The following RELN variants were observed in gnomAD, a reference collection of about 807,000 sequenced individuals.
RELN encodes the protein reelin.
A neutral mutation model predicts 427.6 loss-of-function variants in RELN; 108 were observed. The ratio of observed to expected loss-of-function variants is 0.25; its 90% CI spans 0.22 to 0.30. The LOEUF (loss-of-function observed/expected upper bound fraction) is 0.30. Among genes scored for constraint, RELN ranks in the 10% least tolerant of loss-of-function variants. RELN has a pLI of 1.00. For missense variants in RELN, 3,715 were observed against 4,302.8 expected (o/e 0.86, Z 3.82); for synonymous variants, 1,524 against 1,513.4 (o/e 1.01, Z -0.16).
rs111348138 is a variant in RELN at position 103,802,276 on chromosome 7, A to G, written c.474-25649T>C. Reference sequence around the variant, plus strand: ...GGAAAAAGAAAAATGATCAAGTGCTAAAGTTTATCATTTTCAATGCCAAAG... The same window carrying G: ...GGAAAAAGAAAAATGATCAAGTGCTGAAGTTTATCATTTTCAATGCCAAAG... On this transcript the variant is annotated intron_variant, in intron 3 of 64. Transcript: ENST00000428762. Among the ~76,000 whole-genome samples the G allele has an allele frequency of 6.0e-4, 91 of 152,296 alleles. 1 individual carries two copies. The highest frequency in any genetic ancestry group is 2.1e-3 in the African/African-American group (88 of 41,580).
At chr7:103,930,909 T>TGTG (rs1554443953) in intron 1 of RELN, among the ~76,000 whole-genome samples, 2 of 151,314 alleles carry the variant, frequency 1.3e-5, no homozygotes, top group African/African-American at 4.9e-5. Context: ...TGTGTGTGTG[T>TGTG]GTCTCCTTCT....
intron 6 of RELN, among the ~76,000 whole-genome samples, chr7:103,731,294 A>T (rs1790347349): frequency 6.6e-6 from 1 of 152,120 alleles, no homozygotes; most frequent in Non-Finnish European, 1.5e-5. Context: ...AGAAATTATG[A>T]CACACAGCTG....
At chr7:103,705,884 G>C (rs918593899) in intron 8 of RELN, among the ~76,000 whole-genome samples, 4 of 152,152 alleles carry the variant, frequency 2.6e-5, no homozygotes, top group Non-Finnish European at 5.9e-5. Flanking sequence ...AAAGTACCTA[G>C]ACAACAGTTA....
chr7:103,729,037 G>A (rs1223235859), intron 6 of RELN, among the ~76,000 whole-genome samples: 1 of 152,066 alleles, frequency 6.6e-6, no homozygotes, highest in Non-Finnish European at 1.5e-5. Context: ...TGTGTATTCT[G>A]GACTTGACCT....
intron 28 of RELN, among the ~76,000 whole-genome samples, chr7:103,585,772 T>C (rs369349278): frequency 8.5e-5 from 13 of 152,064 alleles, no homozygotes; most frequent in African/African-American, 3.1e-4. Context: ...GAAAACAGGC[T>C]AGTATCCCTG....
At chr7:103,702,009 C>A (rs759304315) in intron 8 of RELN, among the ~76,000 whole-genome samples, 23 of 152,098 alleles carry the variant, frequency 1.5e-4, no homozygotes, top group Non-Finnish European at 2.8e-4. Flanking sequence ...TTTGTAATTG[C>A]CAGAACTGGC....
chr7:103,917,727 C>T (rs1795518275), intron 1 of RELN, among the ~76,000 whole-genome samples: 1 of 151,936 alleles, frequency 6.6e-6, no homozygotes, highest in Non-Finnish European at 1.5e-5. Flanking sequence ...TTTTTCCTCT[C>T]GTGAAGAAGA....
chr7:103,491,402 G>A (rs145730637), intron 58 of RELN, among the ~76,000 whole-genome samples: 15 of 152,140 alleles, frequency 9.9e-5, no homozygotes, highest in African/African-American at 1.9e-4. Context: ...AAAATATAAA[G>A]TTTCTTGGTG....
In RELN at chr7:103,594,390, G is replaced by T; in HGVS notation, c.3642C>A (p.Val1214=). The change falls in exon 26 of 65, where the codon GTC becomes GTA. Residue 1214 remains valine, a synonymous_variant. Coordinates refer to ENST00000428762, the MANE Select transcript of RELN (RefSeq NM_005045.4). ...TCTCGGACAGAATGATGATGTCATC[G>T]ACTGCCCACTGGTCATAGTCCTCCC... ...FSGEDYDQWA[V]DDIIILSEKQ... The T allele has an allele frequency of 6.2e-7, 1 of 1,613,936 alleles. No individual in the cohort carries two copies. The highest frequency in any genetic ancestry group is 8.5e-7 in the Non-Finnish European group (1 of 1,179,904).
At position 103,603,597 on chromosome 7, in the gene RELN, A is replaced by T; in HGVS notation, c.3147-107T>A. On this transcript the variant is annotated intron_variant, in intron 23 of 64. Transcript: ENST00000428762. The surrounding 1 kb of genome is among the most constrained non-coding windows in gnomAD (Gnocchi z 4.3). ...GTCTTACTTTTGCTCAGGTCTTATC[A>T]TTCACACTAGATTCTTCCCTACAGT... 1.2e-6 allele frequency: 1 copy of T among 852,480 alleles called. No individual in the cohort carries two copies. Among genetic ancestry groups the T allele is most frequent in the Non-Finnish European group, 2.0e-6 (1 of 502,516 alleles). 52.8% of individuals were successfully genotyped at this position (852,480 alleles called of 1,614,324 possible).
chr7:103,878,181 T>C (rs932535124), intron 2 of RELN, among the ~76,000 whole-genome samples: 1 of 151,892 alleles, frequency 6.6e-6, no homozygotes, highest in African/African-American at 2.4e-5. Context: ...AAAACACCAC[T>C]CTCTTACCTG....
At chr7:103,509,747 A>G (rs1829337137) in intron 51 of RELN, among the ~76,000 whole-genome samples, 1 of 152,150 alleles carries the variant, frequency 6.6e-6, no homozygotes, top group Non-Finnish European at 1.5e-5. Context: ...CAATCTATCC[A>G]TCTGACAAAG....
rs1180846511 is a variant in RELN, at chr7:103,953,894, T to C, written c.226+35237A>G. Among the ~76,000 whole-genome samples the C allele has an allele frequency of 6.6e-6, 1 of 152,002 alleles. No individual in the cohort carries two copies. The highest frequency in any genetic ancestry group is 1.5e-5 in the Non-Finnish European group (1 of 68,004). ...CTGCAATGAGTCAAGACCGTGCCAC[T>C]ACATGCCAGGCTGTGCGGCAGAGCA... On this transcript the variant is annotated intron_variant, in intron 1 of 64. Coordinates refer to ENST00000428762, the MANE Select transcript of RELN (RefSeq NM_005045.4). This position sits in a 1 kb window ranked among gnomAD's most constrained non-coding sequence, Gnocchi z 4.3.
In RELN at chr7:103,802,508, A is replaced by AGATCTACTCTAGACGT. The variant is rs1332376760; in HGVS notation, c.474-25882_474-25881insACGTCTAGAGTAGATC. ...TATATATTAGATTTACTCGTAGACC[A>AGATCTACTCTAGACGT]AGATTCACCAGAATTTAAATTAATT... is the stretch of plus-strand genomic sequence containing the variant. On this transcript the variant is annotated intron_variant, in intron 3 of 64. Coordinates refer to ENST00000428762, the MANE Select transcript of RELN (RefSeq NM_005045.4). Among the ~76,000 whole-genome samples the AGATCTACTCTAGACGT allele has an allele frequency of 2.0e-5, 3 of 152,306 alleles. No homozygotes were observed. In the East Asian group the frequency reaches 5.8e-4, roughly 29 times the overall value.
At chr7:103,554,249 CAT>C (rs1416536791) in intron 38 of RELN, among the ~76,000 whole-genome samples, 1 of 148,264 alleles carries the variant, frequency 6.7e-6, no homozygotes, top group Non-Finnish European at 1.5e-5. Flanking sequence ...AAAAAAAAAA[CAT>C]AAAGTACTTG....
At chr7:103,851,587 C>G (rs755804815) in intron 2 of RELN, among the ~76,000 whole-genome samples, 1 of 152,196 alleles carries the variant, frequency 6.6e-6, no homozygotes, top group Non-Finnish European at 1.5e-5. Flanking sequence ...TTTGCTACAG[C>G]TTCTTCCTGT....
intron 28 of RELN, among the ~76,000 whole-genome samples, chr7:103,576,953 C>CAT (rs36016808): frequency 2.0e-5 from 3 of 152,122 alleles, no homozygotes; most frequent in African/African-American, 7.2e-5. Context: ...CGTGCACACA[C>CAT]GCACACACAC....
intron 1 of RELN, among the ~76,000 whole-genome samples, chr7:103,963,251 A>T (rs1364061635): frequency 1.3e-5 from 2 of 151,908 alleles, no homozygotes; most frequent in Admixed American, 1.3e-4. Flanking sequence ...CAATCATAAG[A>T]CAAACCTTAA....
At chr7:103,845,151 T>A (rs1793644199) in intron 2 of RELN, among the ~76,000 whole-genome samples, 1 of 152,144 alleles carries the variant, frequency 6.6e-6, no homozygotes, top group Non-Finnish European at 1.5e-5. Context: ...AAAAAATTTT[T>A]TTTTTTTTGC....
Sources: allele counts gnomAD v4.1 joint callset (sites outside exome capture counted in the v4.1 genomes callset), GRCh38; gene constraint gnomAD v4.1.1; non-coding constraint Gnocchi (gnomAD v3.1); transcripts MANE v1.5; gene names NCBI Gene and HGNC (gene_info 2026-07-23, HGNC 2026-07-21).